GATB: variants seen among roughly 807,000 people sequenced by gnomAD.
GATB encodes glutamyl-tRNA(Gln) amidotransferase subunit B, mitochondrial.
GATB carries 39 observed loss-of-function variants against 62.3 expected under a neutral mutation model. The observed-to-expected ratio is 0.63, with a 90% confidence interval of 0.48 to 0.82. The LOEUF is 0.82. Among genes scored for constraint, GATB ranks in the 40% least tolerant of loss-of-function variants. The pLI is 0.00. For synonymous variants in GATB, 276 were observed against 258.9 expected (o/e 1.07, Z -0.63); for missense variants, 670 against 684.0 (o/e 0.98, Z 0.23).
chr4:151,741,645 A>G (rs967378869), intron 2 of GATB, among the ~76,000 whole-genome samples: 1 of 152,172 alleles, frequency 6.6e-6, no homozygotes, highest in Non-Finnish European at 1.5e-5. Context: ...TGCTCTGCAG[A>G]CCCAGAAGAT....
chr4:151,756,940 T>A (rs1739844644), intron 2 of GATB, among the ~76,000 whole-genome samples: 2 of 152,144 alleles, frequency 1.3e-5, no homozygotes, highest in African/African-American at 4.8e-5. Context: ...TGGAAAAACC[T>A]AGGATGAACT....
chr4:151,681,156 C>T (rs767069272), intron 10 of GATB, among the ~76,000 whole-genome samples: 15 of 152,158 alleles, frequency 9.9e-5, no homozygotes, highest in African/African-American at 1.4e-4. Context: ...GTCCCTATGC[C>T]GATTTCCCGG....
At chr4:151,718,528 G>A (rs1322763767) in intron 3 of GATB, among the ~76,000 whole-genome samples, 4 of 152,016 alleles carry the variant, frequency 2.6e-5, no homozygotes, top group Non-Finnish European at 4.4e-5. Context: ...AATTCTTTCC[G>A]CCCTACCAAA....
Position 151,717,054 on chromosome 4 carries a change from C to A in GATB, c.462G>T (p.Gln154His). Residue 154 changes from glutamine to histidine, a missense_variant, in exon 4 of 13, where the codon CAG becomes CAT. Physicochemically the swap from Gln to His is conservative, Grantham distance 24. Transcript: ENST00000263985. Reference sequence around the variant, plus strand: ...CATTCACAGCAATTGGGAGCCTCTGCTGGGTAATTTGGTAGCCTGCCTGCA... The same window carrying A: ...CATTCACAGCAATTGGGAGCCTCTGATGGGTAATTTGGTAGCCTGCCTGCA... ...ADLPAGYQIT[Q>H]QRLPIAVNGS... 1 of 1,614,140 alleles carries A rather than the reference C, an allele frequency of 6.2e-7. No homozygotes were observed. Among genetic ancestry groups the A allele is most frequent in the Non-Finnish European group, 8.5e-7 (1 of 1,180,038 alleles).
chr4:151,738,853 T>C (rs1739429444), intron 2 of GATB, among the ~76,000 whole-genome samples: 1 of 152,200 alleles, frequency 6.6e-6, no homozygotes, highest in East Asian at 1.9e-4. Context: ...ATCTGGTGCT[T>C]ATACTAAGAA....
chr4:151,732,083 G>A (rs1396058610), intron 2 of GATB, among the ~76,000 whole-genome samples: 8 of 141,460 alleles, frequency 5.7e-5, no homozygotes, highest in Non-Finnish European at 1.5e-5. Flanking sequence ...CCGGCCAGCC[G>A]CCCCGTCCGG....
chr4:151,696,458 T>C (rs1738471418), intron 9 of GATB, among the ~76,000 whole-genome samples: 1 of 152,208 alleles, frequency 6.6e-6, no homozygotes. Flanking sequence ...AAAAACACTA[T>C]TTCTGTTTGA....
chr4:151,688,782 GAA>G lies in GATB; in HGVS notation c.1198-21_1198-20del. The stretch of plus-strand genomic sequence containing the variant: ...CTTCGTTCTGTTAAAAAAAAAAAAA[GAA>G]AATTACATAAAGCCTCCCCAAAAAT... On this transcript the variant is annotated intron_variant, in intron 9 of 12. Coordinates refer to ENST00000263985, the MANE Select transcript of GATB (RefSeq NM_004564.3). 6.5e-7 allele frequency: 1 copy of G among 1,529,630 alleles called. No individual in the cohort carries two copies. Among genetic ancestry groups the G allele is most frequent in the Non-Finnish European group, 8.8e-7 (1 of 1,137,982 alleles). The allele number at this position is 1,529,630 out of a possible 1,614,324, so 94.8% of individuals were successfully genotyped here. A position where few individuals can be genotyped will look rare whatever the true frequency, so the allele number is the denominator to read the frequency against.
intron 11 of GATB, chr4:151,673,285 C>G (rs1578890441): frequency 5.8e-6 from 1 of 171,508 alleles, no homozygotes; most frequent in Non-Finnish European, 1.2e-5. Context: ...CGTGGAGGTG[C>G]CCATCACTCA....
At chr4:151,737,205 C>T (rs754323797) in intron 2 of GATB, among the ~76,000 whole-genome samples, 74 of 152,108 alleles carry the variant, frequency 4.9e-4, no homozygotes, top group Non-Finnish European at 9.3e-4. Context: ...AGCCTGATAG[C>T]GATATGGAAA....
intron 5 of GATB, among the ~76,000 whole-genome samples, chr4:151,715,553 A>G (rs1289390178): frequency 2.0e-5 from 3 of 152,224 alleles, no homozygotes; most frequent in Admixed American, 6.5e-5. Flanking sequence ...AGTTTTCATA[A>G]TCTTGGCTTA....
intron 11 of GATB, among the ~76,000 whole-genome samples, chr4:151,679,611 C>T (rs761519184): frequency 5.3e-5 from 8 of 152,172 alleles, no homozygotes; most frequent in Admixed American, 2.6e-4. Context: ...GCGGTGATGA[C>T]GAGAAGCAAA....
intron 9 of GATB, among the ~76,000 whole-genome samples, chr4:151,698,212 C>T (rs115508488): frequency 2.4e-4 from 37 of 151,774 alleles, no homozygotes; most frequent in African/African-American, 6.8e-4. Flanking sequence ...GTCTGTCCAC[C>T]CAGTCATGGA....
In GATB at chr4:151,758,812, A is replaced by G. The variant is rs149849085; in HGVS notation, c.287T>C (p.Leu96Ser). ...QVRFSAPPNSLVSFFDASLPG... is the reference protein window; with the variant it reads ...QVRFSAPPNSSVSFFDASLPG... ...TAGAGATGCATCAAAAAAAGAAACC[A>G]AAGAATTTGGAGGTGCTGAAAAGCG... Residue 96 changes from leucine to serine, a missense_variant, in exon 2 of 13, where the codon TTG becomes TCG. Physicochemically the swap from Leu to Ser is moderately radical, Grantham distance 145 (BLOSUM62 -2). Coordinates refer to ENST00000263985, the MANE Select transcript of GATB (RefSeq NM_004564.3). 1.8e-4 allele frequency: 293 copies of G among 1,609,204 alleles called. 1 individual carries two copies. The African/African-American group carries it at 3.1e-3, about 17-fold the overall frequency.
chr4:151,740,829 G>A (rs750159578), intron 2 of GATB, among the ~76,000 whole-genome samples: 1 of 152,096 alleles, frequency 6.6e-6, no homozygotes, highest in Non-Finnish European at 1.5e-5. Flanking sequence ...TTTTATTATA[G>A]GCTTCTAGTA....
At chr4:151,724,603 G>A (rs1739094532) in intron 2 of GATB, 1 of 152,204 alleles carries the variant, frequency 6.6e-6, no homozygotes, top group South Asian at 2.1e-4. Flanking sequence ...AGCCAAACGT[G>A]ACACATGCTT....
intron 2 of GATB, among the ~76,000 whole-genome samples, chr4:151,737,248 G>C (rs1390083771): frequency 6.6e-6 from 1 of 152,208 alleles, no homozygotes; most frequent in African/African-American, 2.4e-5. Flanking sequence ...CTCAAAAGGA[G>C]ATGAGGAACT....
At chr4:151,720,446 G>A (rs866315319) in intron 2 of GATB, 1 of 152,110 alleles carries the variant, frequency 6.6e-6, no homozygotes, top group Non-Finnish European at 1.5e-5. Context: ...CCTCCCCTAA[G>A]GTAGAGATTC....
At chr4:151,718,788 T>C (rs965139805) in intron 3 of GATB, among the ~76,000 whole-genome samples, 6 of 152,228 alleles carry the variant, frequency 3.9e-5, no homozygotes, top group African/African-American at 1.2e-4. Flanking sequence ...TGTTCAATAG[T>C]ATGAAAAATT....
Sources: allele counts gnomAD v4.1 joint callset (sites outside exome capture counted in the v4.1 genomes callset), GRCh38; gene constraint gnomAD v4.1.1; transcripts MANE v1.5; gene names NCBI Gene and HGNC (gene_info 2026-07-23, HGNC 2026-07-21).